The following CFAP47 variants were observed in gnomAD, a reference collection of about 807,000 sequenced individuals.
CFAP47 encodes the protein cilia- and flagella-associated protein 47.
In CFAP47, 29 loss-of-function variants were observed where a neutral mutation model predicts 148.1. That is an observed-to-expected ratio of 0.20 (90% CI 0.15 to 0.27). The LOEUF is 0.27. Ranked by LOEUF, CFAP47 falls within the 10% of genes least tolerant of loss-of-function variation. The probability of loss-of-function intolerance (pLI) is 1.00; values close to 1 mark genes in which losing one functional copy is unlikely to be tolerated. For synonymous variants in CFAP47, 664 were observed against 577.3 expected (o/e 1.15, Z -2.15); for missense variants, 1,872 against 1,697.5 (o/e 1.10, Z -1.81).
rs1054612389 is a variant in CFAP47 at position 36,031,712 on chromosome X, T to C, written c.3651+365T>C. Reference sequence around the variant, plus strand: ...TATATTCCATAGATAAAAGAAAATATGCTAGGAGGCAATAATAAATCTGAA... The same window carrying C: ...TATATTCCATAGATAAAAGAAAATACGCTAGGAGGCAATAATAAATCTGAA... On this transcript the variant is annotated intron_variant, in intron 23 of 63. Transcript: ENST00000378653. Among the ~76,000 whole-genome samples, 37 of 105,748 alleles carry C rather than the reference T, an allele frequency of 3.5e-4. 1 individual carries two copies. Among genetic ancestry groups the C allele is most frequent in the Non-Finnish European group, 6.4e-4 (33 of 51,775 alleles). The allele number at this position is 105,748 out of a possible 115,157, so 91.8% of individuals were successfully genotyped here. A position where few individuals can be genotyped will look rare whatever the true frequency, so the allele number is the denominator to read the frequency against.
At chrX:35,943,373 T>C (rs937548197) in intron 3 of CFAP47, among the ~76,000 whole-genome samples, 4 of 111,861 alleles carry the variant, frequency 3.6e-5, no homozygotes, top group Non-Finnish European at 5.7e-5. Context: ...TTCCACATCT[T>C]TGTTTTCTCT....
chrX:36,168,866 A>G (rs1046590226), intron 39 of CFAP47, among the ~76,000 whole-genome samples: 3 of 111,950 alleles, frequency 2.7e-5, no homozygotes, highest in African/African-American at 9.7e-5. Flanking sequence ...GTTTTGATTA[A>G]TTTCTTGTGT....
At position 36,310,886 on chromosome X, in the gene CFAP47, A is replaced by G; in HGVS notation, c.8241A>G (p.Leu2747=). The G allele has an allele frequency of 8.7e-7, 1 of 1,144,414 alleles. No individual in the cohort carries two copies. The highest frequency in any genetic ancestry group is 1.2e-6 in the Non-Finnish European group (1 of 854,220). The allele number at this position is 1,144,414 out of a possible 1,213,427, so 94.3% of individuals were successfully genotyped here. Residue 2747 remains leucine, a synonymous_variant, in exon 56 of 64, where the codon CTA becomes CTG. Transcript: ENST00000378653. The part of the protein sequence containing the change: ...LSGVGLFPQP[L]DTERITTRIG... ...GAGTAGGACTATTTCCCCAGCCTCT[A>G]GACACGGAAAGAATAACCACACGCA...
At chrX:36,329,681 A>G (rs1941548494) in intron 57 of CFAP47, among the ~76,000 whole-genome samples, 1 of 112,111 alleles carries the variant, frequency 8.9e-6, no homozygotes, top group Admixed American at 9.5e-5. Context: ...TTTGTTATTA[A>G]AAATCTATTG....
intron 32 of CFAP47, among the ~76,000 whole-genome samples, chrX:36,102,319 A>G (rs1938389815): frequency 9.0e-6 from 1 of 111,497 alleles, no homozygotes; most frequent in African/African-American, 3.3e-5. Flanking sequence ...ATGTTAATGG[A>G]TAAATAGTAA....
chrX:36,267,732 C>A (rs782256755), intron 49 of CFAP47, among the ~76,000 whole-genome samples: 1 of 111,830 alleles, frequency 8.9e-6, no homozygotes, highest in African/African-American at 3.3e-5. Context: ...CCCGCCTTGG[C>A]CTCCCAAAGT....
At position 36,286,041 on chromosome X, in the gene CFAP47, T is replaced by C. The variant is rs144216867; in HGVS notation, c.7686+315T>C. Among the ~76,000 whole-genome samples the C allele has an allele frequency of 2.1e-3, 230 of 111,471 alleles. 1 individual carries two copies. The highest frequency in any genetic ancestry group is 7.0e-3 in the African/African-American group (216 of 30,861). The stretch of plus-strand genomic sequence containing the variant: ...CACATAGATGATAAAAACAGGATTG[T>C]GCTACTAGACTCTTTCAGCATTGCT... On this transcript the variant is annotated intron_variant, in intron 51 of 63. Coordinates refer to ENST00000378653, the MANE Select transcript of CFAP47 (RefSeq NM_001304548.2).
chrX:36,017,732 CGT>C (rs1937112493), intron 22 of CFAP47, among the ~76,000 whole-genome samples: 1 of 110,635 alleles, frequency 9.0e-6, no homozygotes, highest in Non-Finnish European at 1.9e-5. Context: ...TATTTCATTG[CGT>C]TTGTCTATGT....
intron 62 of CFAP47, chrX:36,375,005 T>A: frequency 2.0e-6 from 1 of 489,252 alleles, no homozygotes; most frequent in African/African-American, 2.3e-5. Flanking sequence ...TCACAACAAT[T>A]TTTCCAGCTC....
chrX:35,932,009 C>T (rs1935833735), intron 2 of CFAP47, among the ~76,000 whole-genome samples: 1 of 95,397 alleles, frequency 1.0e-5, no homozygotes, highest in Non-Finnish European at 2.1e-5. Flanking sequence ...TGGCTTCCTC[C>T]CTCCCTCCCT....
intron 39 of CFAP47, among the ~76,000 whole-genome samples, 192 bp from the exon 40 acceptor site, chrX:36,179,153 G>A (rs1464705062): frequency 8.9e-6 from 1 of 111,913 alleles, no homozygotes; most frequent in Admixed American, 9.5e-5. Context: ...TTCCATTCCC[G>A]ATCTTTCCCT....
At chrX:35,923,723 G>A (rs1935614859) in intron 1 of CFAP47, among the ~76,000 whole-genome samples, 1 of 108,998 alleles carries the variant, frequency 9.2e-6, no homozygotes. Context: ...AGGAGGCTGA[G>A]GCAGGAGAAT....
At chrX:36,013,161 C>T (rs1330398685) in intron 21 of CFAP47, among the ~76,000 whole-genome samples, 2 of 111,590 alleles carry the variant, frequency 1.8e-5, no homozygotes, top group Admixed American at 9.6e-5. Context: ...TTTGATACAG[C>T]CCCCAAACAT....
chrX:36,033,496 CTTTTCCTCATTTTA>C (rs772527755), intron 23 of CFAP47, among the ~76,000 whole-genome samples: 60 of 111,893 alleles, frequency 5.4e-4, no homozygotes, highest in Non-Finnish European at 9.8e-4. Flanking sequence ...AGTATAATAA[CTTTTCCTCATTTTA>C]AAATGACAAA....
At chrX:36,230,542 T>G (rs1314105936) in intron 46 of CFAP47, among the ~76,000 whole-genome samples, 1 of 101,273 alleles carries the variant, frequency 9.9e-6, no homozygotes, top group African/African-American at 4.1e-5. Flanking sequence ...TGCAAAAATT[T>G]TCTCCCATTT....
At chrX:36,096,424 G>C (rs1485483574) in intron 30 of CFAP47, among the ~76,000 whole-genome samples, 3 of 110,967 alleles carry the variant, frequency 2.7e-5, no homozygotes, top group Non-Finnish European at 5.7e-5. Flanking sequence ...TGGAATATCT[G>C]TCAAATGCTG....
rs979170207 is a variant in CFAP47 at position 36,385,248 on chromosome X, C to T, written c.*242C>T. ...GTGCAGGTGTATATTTGTGGTAAAA[C>T]GAAATATAATTTAAATGACAACAGT... On this transcript the variant is annotated 3_prime_UTR_variant, in exon 64 of 64. Coordinates refer to ENST00000378653, the MANE Select transcript of CFAP47 (RefSeq NM_001304548.2). 3.5e-6 allele frequency: 1 copy of T among 286,473 alleles called. No homozygotes were observed. 23.6% of individuals were successfully genotyped at this position (286,473 alleles called of 1,213,427 possible).
chrX:35,948,316 A>G lies in CFAP47; in HGVS notation c.520A>G (p.Ile174Val). The part of the protein sequence containing the change: ...TITNHGKAPG[I>V]FKAEYHGQLP... Reference sequence around the variant, plus strand: ...TCAACTGCTCTTATTCCCTATAGGCATATTTAAGGCAGAATACCACGGCCA... The same window carrying G: ...TCAACTGCTCTTATTCCCTATAGGCGTATTTAAGGCAGAATACCACGGCCA... The change falls in exon 4 of 64, where the codon ATA becomes GTA. Residue 174 changes from isoleucine to valine, a missense_variant and splice_region_variant. Physicochemically the swap from Ile to Val is conservative, Grantham distance 29 (BLOSUM62 3). Coordinates refer to ENST00000378653, the MANE Select transcript of CFAP47 (RefSeq NM_001304548.2). 1 of 1,201,565 alleles carries G rather than the reference A, an allele frequency of 8.3e-7. No homozygotes were observed. The highest frequency in any genetic ancestry group is 1.1e-6 in the Non-Finnish European group (1 of 887,886).
At chrX:36,263,389 A>G (rs1340702029) in intron 49 of CFAP47, among the ~76,000 whole-genome samples, 1 of 111,747 alleles carries the variant, frequency 8.9e-6, no homozygotes, top group Non-Finnish European at 1.9e-5. Context: ...TTGAGTTAAA[A>G]CTGCTTGGTT....
Sources: gnomAD v4.1 joint callset for allele counts (sites outside exome capture counted in the v4.1 genomes callset) on GRCh38, gnomAD v4.1.1 for gene constraint, MANE v1.5 for transcripts, NCBI Gene and HGNC (gene_info 2026-07-23, HGNC 2026-07-21) for gene names.